The following CGNL1 variants were observed in gnomAD, a reference collection of about 807,000 sequenced individuals.
CGNL1 encodes the protein cingulin-like protein 1.
Under a neutral mutation model 141.2 loss-of-function variants are expected in CGNL1, and 132 were observed. That is an observed-to-expected ratio of 0.93 (90% CI 0.81 to 1.08). The LOEUF (loss-of-function observed/expected upper bound fraction) is 1.08, where lower values mean the gene tolerates loss of function less well. CGNL1 is among the 50% of genes least tolerant of loss of function. The pLI, the probability that CGNL1 is intolerant of heterozygous loss-of-function variation, is 0.00. For missense variants in CGNL1, 1,870 were observed against 1,588.6 expected, an observed-to-expected ratio of 1.18 and a Z score of -3.01; for synonymous variants, 690 against 622.1, an observed-to-expected ratio of 1.11 and a Z score of -1.63.
chr15:57,513,235 C>T (rs900212520), intron 8 of CGNL1, among the ~76,000 whole-genome samples: 15 of 145,800 alleles, frequency 1.0e-4, no homozygotes, highest in Admixed American at 9.0e-4. Flanking sequence ...TCCAGACTTT[C>T]ATATAAATGT....
At chr15:57,534,097 T>G (rs1170757134) in intron 14 of CGNL1, among the ~76,000 whole-genome samples, 9 of 152,176 alleles carry the variant, frequency 5.9e-5, no homozygotes, top group African/African-American at 2.2e-4. Flanking sequence ...GCAAGAAGGT[T>G]TCATACATCC....
Position 57,467,686 on chromosome 15 carries a change from C to CTT in CGNL1, c.2403+5813_2403+5814dup, listed in dbSNP as rs140789370. Among the ~76,000 whole-genome samples, 316 of 107,408 alleles carry CTT rather than the reference C, an allele frequency of 2.9e-3. 5 individuals are homozygous for CTT. Among genetic ancestry groups the CTT allele is most frequent in the South Asian group, 5.1e-3 (16 of 3,116 alleles). The allele number at this position is 107,408 out of a possible 152,430, so 70.5% of individuals were successfully genotyped here. ...TGCTATTGTTTTTAAGAGTCTCTGTCTTTTTTTTTTTTTTTTTTTTGAGAT... is the reference window on the plus strand; with the variant it reads ...TGCTATTGTTTTTAAGAGTCTCTGTCTTTTTTTTTTTTTTTTTTTTTTGAGAT... On this transcript the variant is annotated intron_variant, in intron 8 of 18. Transcript: ENST00000281282.
chr15:57,509,890 T>C (rs2030096403), intron 8 of CGNL1, among the ~76,000 whole-genome samples: 1 of 152,258 alleles, frequency 6.6e-6, no homozygotes, highest in African/African-American at 2.4e-5. Flanking sequence ...GAAGAATGTT[T>C]TTCTTAGATG....
chr15:57,440,306 G>C, intron 2 of CGNL1, 71 bp from the exon 3 acceptor site: 1 of 1,082,420 alleles, frequency 9.2e-7, no homozygotes, highest in African/African-American at 1.6e-5. Flanking sequence ...GCTCACTGGA[G>C]GAATTGTTTG....
intron 8 of CGNL1, among the ~76,000 whole-genome samples, chr15:57,500,598 G>A (rs28540762): frequency 0.017 from 2,642 of 152,234 alleles, 75 homozygotes; most frequent in African/African-American, 0.06. Flanking sequence ...GCAAGAGCCT[G>A]TGCTCCCAGA....
rs28610899 is a variant in CGNL1 at position 57,531,864 on chromosome 15, C to T, written c.3291+85C>T. On this transcript the variant is annotated intron_variant, in intron 14 of 18. Coordinates refer to ENST00000281282, the MANE Select transcript of CGNL1 (RefSeq NM_032866.5). ...GTTAATCCTGGGGCTTCAGTTAAGT[C>T]CAGGAGAGAAAAATTCATGCCATCT... 531 of 826,228 alleles carry T rather than the reference C, an allele frequency of 6.4e-4. 3 individuals carry two copies. The highest frequency in any genetic ancestry group is 2.1e-4 in the Admixed American group (10 of 47,952). 51.2% of individuals were successfully genotyped at this position (826,228 alleles called of 1,614,324 possible).
chr15:57,486,377 A>T (rs1274715400), intron 8 of CGNL1, among the ~76,000 whole-genome samples: 1 of 151,748 alleles, frequency 6.6e-6, no homozygotes, highest in East Asian at 1.9e-4. Context: ...GGAAAGGAAG[A>T]GGGGGTCAAA....
intron 8 of CGNL1, among the ~76,000 whole-genome samples, chr15:57,465,329 T>G (rs2063497635): frequency 1.3e-5 from 2 of 152,018 alleles, no homozygotes; most frequent in Admixed American, 1.3e-4. Context: ...ACACTTAGAT[T>G]TTTCCTGCCC....
chr15:57,513,251 TGG>T (rs1395097289), intron 8 of CGNL1, among the ~76,000 whole-genome samples: 1 of 111,686 alleles, frequency 9.0e-6, no homozygotes, highest in South Asian at 3.8e-4. Flanking sequence ...AATGTCAATA[TGG>T]GTGTGTGTGT....
chr15:57,449,527 C>A (rs528462508), intron 4 of CGNL1, among the ~76,000 whole-genome samples: 1 of 152,146 alleles, frequency 6.6e-6, no homozygotes, highest in African/African-American at 2.4e-5. Context: ...ATGGAGCGCA[C>A]CTCTCACAAT....
At position 57,440,378 on chromosome 15, in the gene CGNL1, C is replaced by A. The variant is rs1341736813; in HGVS notation, c.1604C>A (p.Ala535Asp). Residue 535 changes from alanine to aspartate, a missense_variant and splice_region_variant, in exon 3 of 19, where the codon GCC becomes GAC. Physicochemically the swap from Ala to Asp is moderately radical, Grantham distance 126. Transcript: ENST00000281282. ...KTFPSASNTQATPDLLKGQQE... is the reference protein window; with the variant it reads ...KTFPSASNTQDTPDLLKGQQE... ...CTAACAACAGGCCTTATGTTCCAGG[C>A]CACACCGGATCTCTTAAAGGGCCAG... 1.9e-6 allele frequency: 3 copies of A among 1,595,730 alleles called. No individual in the cohort carries two copies. The highest frequency in any genetic ancestry group is 1.7e-6 in the Non-Finnish European group (2 of 1,169,994).
intron 14 of CGNL1, among the ~76,000 whole-genome samples, chr15:57,533,457 C>G (rs544304965): frequency 2.0e-5 from 3 of 152,190 alleles, no homozygotes; most frequent in Non-Finnish European, 4.4e-5. Flanking sequence ...ACGTTCCCCC[C>G]AGACATGTCA....
intron 14 of CGNL1, among the ~76,000 whole-genome samples, chr15:57,537,993 G>GT (rs2032354519): frequency 6.7e-6 from 1 of 150,022 alleles, no homozygotes; most frequent in Non-Finnish European, 1.5e-5. Flanking sequence ...CAAGCCATAG[G>GT]TTTTTCCCTC....
At chr15:57,387,098 C>T (rs1409464944) in intron 1 of CGNL1, among the ~76,000 whole-genome samples, 1 of 152,166 alleles carries the variant, frequency 6.6e-6, no homozygotes, top group Non-Finnish European at 1.5e-5. Context: ...CCTCCCTTCC[C>T]CCAGCCACTC....
chr15:57,388,793 A>G (rs570497890), intron 1 of CGNL1, among the ~76,000 whole-genome samples: 8 of 152,336 alleles, frequency 5.3e-5, no homozygotes, highest in African/African-American at 1.9e-4. Flanking sequence ...AGGACAAACC[A>G]GTGGATCTAG....
At chr15:57,506,968 T>C (rs2064112190) in intron 8 of CGNL1, among the ~76,000 whole-genome samples, 1 of 152,256 alleles carries the variant, frequency 6.6e-6, no homozygotes, top group African/African-American at 2.4e-5. Flanking sequence ...TTAAGCATTT[T>C]ACAGTGTGCA....
At chr15:57,444,939 G>T (rs745314782) in intron 4 of CGNL1, among the ~76,000 whole-genome samples, 2 of 152,114 alleles carry the variant, frequency 1.3e-5, no homozygotes, top group Admixed American at 6.6e-5. Context: ...TTGGAAAGAG[G>T]TAAGATTAGA....
intron 8 of CGNL1, among the ~76,000 whole-genome samples, chr15:57,505,438 C>T (rs1475166325): frequency 6.6e-6 from 1 of 152,180 alleles, no homozygotes; most frequent in Non-Finnish European, 1.5e-5. Flanking sequence ...GGCCCCATTC[C>T]CCTTGCCAGT....
chr15:57,515,072 C>G (rs2030658978), intron 8 of CGNL1, among the ~76,000 whole-genome samples: 1 of 152,218 alleles, frequency 6.6e-6, no homozygotes. Flanking sequence ...TTTCCCTGGT[C>G]TGACCAGTTA....
Sources: allele counts gnomAD v4.1 joint callset (sites outside exome capture counted in the v4.1 genomes callset), GRCh38; gene constraint gnomAD v4.1.1; transcripts MANE v1.5; gene names NCBI Gene and HGNC (gene_info 2026-07-23, HGNC 2026-07-21).